The following NRP2 variants were observed in gnomAD, a reference collection of about 807,000 sequenced individuals.
NRP2 encodes the protein neuropilin-2.
A neutral mutation model predicts 110.4 loss-of-function variants in NRP2; 52 were observed. That is an observed-to-expected ratio of 0.47 (90% CI 0.38 to 0.59). The LOEUF (loss-of-function observed/expected upper bound fraction) is 0.59, where lower values mean the gene tolerates loss of function less well. NRP2 is among the 20% of genes least tolerant of loss of function. The pLI, the probability that NRP2 is intolerant of heterozygous loss-of-function variation, is 0.00. For missense variants in NRP2, 1,049 were observed against 1,203.0 expected (o/e 0.87, Z 1.89); for synonymous variants, 508 against 468.9 (o/e 1.08, Z -1.08).
chr2:205,695,673 A>G (rs188856512), intron 1 of NRP2, among the ~76,000 whole-genome samples: 2 of 152,262 alleles, frequency 1.3e-5, no homozygotes, highest in East Asian at 1.9e-4. Flanking sequence ...GAGGAGCTGG[A>G]CCCGGTAGAA....
intron 15 of NRP2, chr2:205,777,056 CT>C: frequency 1.0e-6 from 1 of 999,440 alleles, no homozygotes; most frequent in Non-Finnish European, 1.2e-6. Context: ...CCCTTTAACT[CT>C]TATGTTACTT....
intron 16 of NRP2, among the ~76,000 whole-genome samples, chr2:205,793,377 C>A (rs760304874): frequency 4.9e-4 from 75 of 152,260 alleles, no homozygotes; most frequent in Non-Finnish European, 8.2e-4. Flanking sequence ...TAATATCCTG[C>A]CTTCTTCATG....
At chr2:205,785,825 T>G (rs751654504) in intron 15 of NRP2, among the ~76,000 whole-genome samples, 1 of 152,220 alleles carries the variant, frequency 6.6e-6, no homozygotes, top group Non-Finnish European at 1.5e-5. Flanking sequence ...TTCCTTCTAG[T>G]TATTCAACTA....
rs2056168714 is a variant in NRP2 at position 205,686,540 on chromosome 2, G to C, written c.73+3177G>C. On this transcript the variant is annotated intron_variant, in intron 1 of 16. Coordinates refer to ENST00000357785, the MANE Select transcript of NRP2 (RefSeq NM_003872.3). The surrounding 1 kb of genome is among the most constrained non-coding windows in gnomAD (Gnocchi z 4.7). Reference sequence around the variant, plus strand: ...CCCTTCGACTCGGGCTGGCTGTGCCGGGGGTCTTTCCCACCGGGTCGCAGG... The same window carrying C: ...CCCTTCGACTCGGGCTGGCTGTGCCCGGGGTCTTTCCCACCGGGTCGCAGG... 6.6e-6 allele frequency among the ~76,000 whole-genome samples: 1 copy of C among 152,224 alleles called. No individual in the cohort carries two copies. The highest frequency in any genetic ancestry group is 1.5e-5 in the Non-Finnish European group (1 of 68,044).
At chr2:205,776,527 G>C (rs1184327692) in intron 15 of NRP2, 1 of 1,602,814 alleles carries the variant, frequency 6.2e-7, no homozygotes, top group Non-Finnish European at 8.5e-7. Context: ...GCACTGCTGA[G>C]GGCCGAAGCA....
At chr2:205,792,700 G>A (rs946123015) in intron 16 of NRP2, among the ~76,000 whole-genome samples, 2 of 152,126 alleles carry the variant, frequency 1.3e-5, no homozygotes, top group African/African-American at 4.8e-5. Context: ...TCCCTGGCTT[G>A]GGGGAAACCT....
intron 15 of NRP2, chr2:205,767,310 T>C (rs1414256820): frequency 2.2e-6 from 1 of 451,582 alleles, no homozygotes; most frequent in East Asian, 6.8e-5. Context: ...GTACCTGCAG[T>C]CACCATACCT....
rs369559498 is a variant in NRP2, at chr2:205,722,475, C to T, written c.434-3C>T. On this transcript the variant is annotated splice_polypyrimidine_tract_variant and splice_region_variant and intron_variant, in intron 3 of 16. Transcript: ENST00000357785. ...TAGTGCTACAGTTCTCTTTTACATA[C>T]AGGCTCTGAAGATTGCTCAAAAAAC... 4 of 1,610,772 alleles carry T rather than the reference C, an allele frequency of 2.5e-6. No individual in the cohort carries two copies. In the African/African-American group the frequency reaches 5.3e-5, roughly 22 times the overall value.
rs551841516 is a variant in NRP2 at position 205,718,088 on chromosome 2, G to A, written c.433+1714G>A. On this transcript the variant is annotated intron_variant, in intron 3 of 16. Coordinates refer to ENST00000357785, the MANE Select transcript of NRP2 (RefSeq NM_003872.3). ...GTCCCTAGTGCTAATGCTGCCACTC[G>A]GCTGCACTGTGCTGGCCATGAAAGG... is the stretch of plus-strand genomic sequence containing the variant. 7.0e-4 allele frequency among the ~76,000 whole-genome samples: 107 copies of A among 152,214 alleles called. 1 individual carries two copies. Among genetic ancestry groups the A allele is most frequent in the Non-Finnish European group, 1.2e-3 (85 of 68,016 alleles).
Position 205,683,041 on chromosome 2 carries a change from G to A in NRP2, c.-250G>A. 1.9e-6 allele frequency: 1 copy of A among 531,034 alleles called. No homozygotes were observed. Among genetic ancestry groups the A allele is most frequent in the Non-Finnish European group, 3.4e-6 (1 of 296,340 alleles). The allele number at this position is 531,034 out of a possible 1,614,324, so 32.9% of individuals were successfully genotyped here. On this transcript the variant is annotated 5_prime_UTR_variant, in exon 1 of 17. Coordinates refer to ENST00000357785, the MANE Select transcript of NRP2 (RefSeq NM_003872.3). ...GAACATATATGCGTTTTGTTTTTAA[G>A]AGGAAAACCGTGTTCTCTTCCCGGC...
intron 7 of NRP2, among the ~76,000 whole-genome samples, chr2:205,736,024 A>G (rs571088683): frequency 1.3e-5 from 2 of 152,334 alleles, no homozygotes; most frequent in Non-Finnish European, 2.9e-5. Flanking sequence ...GTAAACAACC[A>G]TACTAAGATC....
At chr2:205,791,940 A>T (rs883501) in intron 15 of NRP2, among the ~76,000 whole-genome samples, 24,444 of 152,152 alleles carry the variant, frequency 0.16, 2,134 homozygotes, top group Admixed American at 0.18. Flanking sequence ...CTTAAATGAA[A>T]CCTGTGTTCC....
intron 7 of NRP2, among the ~76,000 whole-genome samples, chr2:205,736,415 T>C (rs2057344173): frequency 6.6e-6 from 1 of 152,196 alleles, no homozygotes; most frequent in African/African-American, 2.4e-5. Flanking sequence ...AAGCAGATGT[T>C]AACATTCCTA....
In NRP2 at chr2:205,697,661, C is replaced by T. The variant is rs375884844; in HGVS notation, c.191C>T (p.Pro64Leu). The part of the protein sequence containing the change: ...NCEWIVYAPE[P>L]NQKIVLNFNP... ...GAGTGGATTGTTTACGCCCCCGAAC[C>T]CAACCAGAAGATTGTCCTCAACTTC... is the stretch of plus-strand genomic sequence containing the variant. Residue 64 changes from proline (P) to leucine (L), a missense_variant, in exon 2 of 17, where the codon CCC becomes CTC. Physicochemically the swap from Pro to Leu is moderately conservative, Grantham distance 98 (BLOSUM62 -3). Coordinates refer to ENST00000357785, the MANE Select transcript of NRP2 (RefSeq NM_003872.3). 9.9e-6 allele frequency: 16 copies of T among 1,613,934 alleles called. No individual in the cohort carries two copies. The highest frequency in any genetic ancestry group is 1.3e-5 in the Non-Finnish European group (15 of 1,180,016).
chr2:205,766,676 C>A, intron 14 of NRP2, 107 bp from the exon 15 acceptor site: 1 of 1,041,136 alleles, frequency 9.6e-7, no homozygotes, highest in Non-Finnish European at 1.5e-6. Context: ...TACAAAAAAA[C>A]CGAGTGCAGT....
At chr2:205,700,743 C>T (rs201125731) in intron 2 of NRP2, 32 of 519,034 alleles carry the variant, frequency 6.2e-5, no homozygotes, top group Admixed American at 1.2e-4. Flanking sequence ...TCACAAGCCG[C>T]AGCTTTGCCT....
intron 1 of NRP2, among the ~76,000 whole-genome samples, chr2:205,689,896 T>C (rs1284000292): frequency 1.3e-5 from 2 of 152,170 alleles, no homozygotes; most frequent in Non-Finnish European, 2.9e-5. Context: ...ACAAAATAGC[T>C]TTTACCCAGC....
chr2:205,788,611 G>A (rs2058262959), intron 15 of NRP2, among the ~76,000 whole-genome samples: 2 of 152,196 alleles, frequency 1.3e-5, no homozygotes, highest in South Asian at 2.1e-4. Context: ...ATCCCCCGAT[G>A]CCCAACTTGC....
intron 15 of NRP2, among the ~76,000 whole-genome samples, chr2:205,791,561 G>C (rs2058302134): frequency 6.6e-6 from 1 of 152,176 alleles, no homozygotes; most frequent in Non-Finnish European, 1.5e-5. Flanking sequence ...GATAATACTG[G>C]AGAAAACTCA....
Sources: gnomAD v4.1 joint callset for allele counts (sites outside exome capture counted in the v4.1 genomes callset) on GRCh38, gnomAD v4.1.1 for gene constraint, Gnocchi (gnomAD v3.1) non-coding constraint, MANE v1.5 for transcripts, NCBI Gene and HGNC (gene_info 2026-07-23, HGNC 2026-07-21) for gene names.